ETV3: variants seen among roughly 807,000 people sequenced by gnomAD.
The protein encoded by ETV3 is ETS translocation variant 3.
In ETV3, 8 loss-of-function variants were observed where a neutral mutation model predicts 33.0. The observed-to-expected ratio is 0.24, with a 90% CI of 0.14 to 0.44. ETV3 has a LOEUF of 0.44. Ranked by LOEUF, ETV3 falls within the 20% of genes least tolerant of loss-of-function variation. ETV3 has a pLI of 1.00. For synonymous variants in ETV3, 222 were observed against 238.9 expected (o/e 0.93, Z 0.65); for missense variants, 473 against 652.3 (o/e 0.73, Z 2.99).
chr1:157,135,423 A>G (rs1324949374), intron 3 of ETV3, 48 bp downstream of exon 3: 1 of 1,600,180 alleles, frequency 6.2e-7, no homozygotes, highest in Non-Finnish European at 8.6e-7. Flanking sequence ...CAAACAGCTT[A>G]GTCTCCTTCC....
chr1:157,129,998 C>G (rs564914596), intron 4 of ETV3, among the ~76,000 whole-genome samples: 335 of 152,166 alleles, frequency 2.2e-3, no homozygotes, highest in African/African-American at 7.8e-3. Context: ...TGCGCACCAC[C>G]ATGACTGGCT....
chr1:157,125,824 C>T lies in ETV3; in HGVS notation c.556G>A (p.Asp186Asn), dbSNP rs1177702327. Residue 186 changes from aspartate (D) to asparagine (N), a missense_variant, in exon 5 of 5, where the codon GAT (aspartate) becomes AAT (asparagine). Physicochemically the swap from Asp to Asn is conservative, Grantham distance 23. Coordinates refer to ENST00000368192, the MANE Select transcript of ETV3 (RefSeq NM_001145312.3). This position sits in a 1 kb window ranked among gnomAD's most constrained non-coding sequence, Gnocchi z 4.0. ...ASGQESSNGTDRKTELSELED... is the reference protein window; with the variant it reads ...ASGQESSNGTNRKTELSELED... ...AGCTCTGAAAGCTCAGTCTTTCTAT[C>T]AGTACCATTACTGGACTCCTGGCCA... The T allele has an allele frequency of 1.3e-6, 2 of 1,551,690 alleles. No homozygotes were observed. The highest frequency in any genetic ancestry group is 1.7e-6 in the Non-Finnish European group (2 of 1,147,002).
rs1675083316 is a variant in ETV3 at position 157,135,468 on chromosome 1, T to C, written c.284+3A>G. On this transcript the variant is annotated splice_donor_region_variant and intron_variant, in intron 3 of 4. Coordinates refer to ENST00000368192, the MANE Select transcript of ETV3 (RefSeq NM_001145312.3). ...ACACAGATTTGGGAATCCTTTTCCT[T>C]ACCTGAGGGCCCGGCTCAGCTTGTC... 1 of 1,613,976 alleles carries C rather than the reference T, an allele frequency of 6.2e-7. No individual in the cohort carries two copies. The highest frequency in any genetic ancestry group is 8.5e-7 in the Non-Finnish European group (1 of 1,179,860).
chr1:157,133,759 A>G (rs1321005843), intron 4 of ETV3: 1 of 1,026,670 alleles, frequency 9.7e-7, no homozygotes, highest in East Asian at 8.8e-5. Context: ...GTTCCCATCT[A>G]TGAAAGAACC....
chr1:157,126,037 A>G, intron 4 of ETV3, 58 bp from the exon 5 acceptor site: 1 of 1,409,688 alleles, frequency 7.1e-7, no homozygotes, highest in Non-Finnish European at 9.4e-7. Context: ...CATTATCATC[A>G]CTTATGCTAA....
At chr1:157,127,542 C>G (rs1558030019) in intron 4 of ETV3, among the ~76,000 whole-genome samples, 1 of 133,564 alleles carries the variant, frequency 7.5e-6, no homozygotes. Context: ...CTTATGTCAA[C>G]TTTTTTTTTT....
chr1:157,133,287 A>T (rs1675017062), intron 4 of ETV3: 1 of 525,576 alleles, frequency 1.9e-6, no homozygotes, highest in Non-Finnish European at 2.4e-6. Flanking sequence ...GGGAAGAAAA[A>T]ACATCATATA....
chr1:157,121,492 C>A lies in ETV3; in HGVS notation c.*3349G>T, dbSNP rs1674710151. 6.6e-6 allele frequency: 1 copy of A among 152,208 alleles called. No homozygotes were observed. Among genetic ancestry groups the A allele is most frequent in the South Asian group, 2.1e-4 (1 of 4,836 alleles). The allele number at this position is 152,208 out of a possible 1,614,324, so 9.4% of individuals were successfully genotyped here. On this transcript the variant is annotated 3_prime_UTR_variant, in exon 5 of 5. Coordinates refer to ENST00000368192, the MANE Select transcript of ETV3 (RefSeq NM_001145312.3). The stretch of plus-strand genomic sequence containing the variant: ...GAAGTCACCTTTCACATGTAAATGT[C>A]TCATTCACAAATCCCTGCATCACAA...
intron 2 of ETV3, 113 bp from the exon 3 acceptor site, chr1:157,135,821 G>T (rs1237178244): frequency 2.8e-6 from 3 of 1,073,466 alleles, no homozygotes. Flanking sequence ...CAAACATGCT[G>T]TAAGTACTCT....
rs757564887 is a variant in ETV3 at position 157,122,471 on chromosome 1, C to T, written c.*2370G>A. 1 of 151,966 alleles carries T rather than the reference C, an allele frequency of 6.6e-6. No individual in the cohort carries two copies. Among genetic ancestry groups the T allele is most frequent in the Non-Finnish European group, 1.5e-5 (1 of 67,990 alleles). The allele number at this position is 151,966 out of a possible 1,614,324, so 9.4% of individuals were successfully genotyped here. A position where few individuals can be genotyped will look rare whatever the true frequency, so the allele number is the denominator to read the frequency against. ...AAAAAATATTTTTCATGGAGTTGAA[C>T]ATTTTTCGAGTGTGTTTTTTTCAAG... On this transcript the variant is annotated 3_prime_UTR_variant, in exon 5 of 5. Transcript: ENST00000368192.
intron 3 of ETV3, chr1:157,135,211 A>G: frequency 1.7e-6 from 1 of 590,748 alleles, no homozygotes; most frequent in Non-Finnish European, 3.0e-6. Flanking sequence ...CCCACTACAG[A>G]GCAGAATCAG....
chr1:157,134,346 C>T, intron 3 of ETV3, 119 bp from the exon 4 acceptor site: 2 of 1,299,898 alleles, frequency 1.5e-6, no homozygotes, highest in Admixed American at 2.9e-5. Flanking sequence ...AAATCACTAC[C>T]AATCTTTCGC....
At chr1:157,129,662 A>G (rs1201814582) in intron 4 of ETV3, among the ~76,000 whole-genome samples, 1 of 152,178 alleles carries the variant, frequency 6.6e-6, no homozygotes, top group East Asian at 1.9e-4. Flanking sequence ...GTATTCTTCT[A>G]CTAGCTTATT....
At chr1:157,133,617 GAC>G in intron 4 of ETV3, 1 of 987,168 alleles carries the variant, frequency 1.0e-6, no homozygotes, top group Non-Finnish European at 1.2e-6. Flanking sequence ...GCAGATCAAA[GAC>G]ACTGCTTTTC....
intron 4 of ETV3, 30 bp from the exon 5 acceptor site, chr1:157,126,009 A>G (rs1674828398): frequency 6.7e-7 from 1 of 1,499,262 alleles, no homozygotes; most frequent in Non-Finnish European, 8.9e-7. Context: ...AAAAGCCTGC[A>G]TCAGAGGACT....
intron 1 of ETV3, 129 bp downstream of exon 1, chr1:157,138,183 CCCCG>C (rs3831104): frequency 0.027 from 4,139 of 152,380 alleles, 129 homozygotes; most frequent in East Asian, 0.089. Context: ...CTCCCCCGCC[CCCCG>C]CACTGGGTGA....
chr1:157,129,777 G>A (rs1256446249), intron 4 of ETV3, among the ~76,000 whole-genome samples: 1 of 152,084 alleles, frequency 6.6e-6, no homozygotes, highest in Non-Finnish European at 1.5e-5. Flanking sequence ...TTCAGAAGAA[G>A]GAAGTATAAT....
Position 157,125,407 on chromosome 1 carries a change from G to C in ETV3, c.973C>G (p.Leu325Val). 6.4e-7 allele frequency: 1 copy of C among 1,552,198 alleles called. No individual in the cohort carries two copies. The highest frequency in any genetic ancestry group is 8.7e-7 in the Non-Finnish European group (1 of 1,147,108). ...SPRTFPRYPGLMVPPLQCQMH... is the reference protein window; with the variant it reads ...SPRTFPRYPGVMVPPLQCQMH... ...TGGCACTGCAGTGGTGGAACCATGA[G>C]CCCTGGGTAACGGGGAAAAGTCCGA... The change falls in exon 5 of 5, where the codon CTC becomes GTC. Residue 325 changes from leucine (L) to valine (V), a missense_variant. Physicochemically the swap from Leu to Val is conservative, Grantham distance 32. Around this residue, in one of 3 missense-constraint regions of ETV3, gnomAD observed 410 missense variants for 520.2 expected, o/e 0.79. Coordinates refer to ENST00000368192, the MANE Select transcript of ETV3 (RefSeq NM_001145312.3). The surrounding 1 kb of genome is among the most constrained non-coding windows in gnomAD (Gnocchi z 4.0).
chr1:157,123,809 A>G lies in ETV3; in HGVS notation c.*1032T>C, dbSNP rs1674759824. ...CCGTATCATCTTAAAGTATGTTCATAGTTAAGGCTTGACTTAAGAAAATAA... is the reference window on the plus strand; with the variant it reads ...CCGTATCATCTTAAAGTATGTTCATGGTTAAGGCTTGACTTAAGAAAATAA... On this transcript the variant is annotated 3_prime_UTR_variant, in exon 5 of 5. Coordinates refer to ENST00000368192, the MANE Select transcript of ETV3 (RefSeq NM_001145312.3). The G allele has an allele frequency of 6.6e-6, 1 of 152,194 alleles. No individual in the cohort carries two copies. Among genetic ancestry groups the G allele is most frequent in the Admixed American group, 6.5e-5 (1 of 15,280 alleles). The allele number at this position is 152,194 out of a possible 1,614,324, so 9.4% of individuals were successfully genotyped here.
Sources: gnomAD v4.1 joint callset for allele counts (sites outside exome capture counted in the v4.1 genomes callset) on GRCh38, gnomAD v4.1.1 for gene constraint, gnomAD v4.1.1 regional missense constraint, Gnocchi (gnomAD v3.1) non-coding constraint, MANE v1.5 for transcripts, NCBI Gene and HGNC (gene_info 2026-07-23, HGNC 2026-07-21) for gene names.